ATP9B: variants seen among roughly 807,000 people sequenced by gnomAD.
ATP9B encodes the protein ATPase phospholipid transporting 9B.
A neutral mutation model predicts 146.1 loss-of-function variants in ATP9B; 110 were observed. That is an observed-to-expected ratio of 0.75 (90% CI 0.65 to 0.88). The LOEUF (loss-of-function observed/expected upper bound fraction) is 0.88. Ranked by LOEUF, ATP9B falls within the 40% of genes least tolerant of loss-of-function variation. ATP9B has a pLI of 0.00. For missense variants in ATP9B, 1,499 were observed against 1,496.4 expected (o/e 1.00, Z -0.03); for synonymous variants, 604 against 569.7 (o/e 1.06, Z -0.86).
intron 17 of ATP9B, among the ~76,000 whole-genome samples, chr18:79,334,638 GC>G: frequency 6.6e-6 from 1 of 152,152 alleles, no homozygotes; most frequent in East Asian, 2.0e-4. Context: ...CGGGAGCCCA[GC>G]ACCCTCCACC....
chr18:79,361,587 A>G (rs2096989152), intron 26 of ATP9B: 1 of 164,916 alleles, frequency 6.1e-6, no homozygotes. Flanking sequence ...TCAACATCTT[A>G]TCTGCATTGT....
intron 13 of ATP9B, among the ~76,000 whole-genome samples, chr18:79,288,782 C>G (rs573760613): frequency 6.6e-6 from 1 of 152,276 alleles, no homozygotes; most frequent in East Asian, 1.9e-4. Flanking sequence ...TTAGTGCATC[C>G]TTCAGGAGCT....
chr18:79,097,739 G>T (rs1339524273), intron 2 of ATP9B, among the ~76,000 whole-genome samples: 1 of 145,080 alleles, frequency 6.9e-6, no homozygotes, highest in Admixed American at 6.8e-5. Flanking sequence ...GTATTCCATG[G>T]TGTATATGTG....
At chr18:79,276,483 A>C (rs921526077) in intron 12 of ATP9B, among the ~76,000 whole-genome samples, 4 of 152,256 alleles carry the variant, frequency 2.6e-5, no homozygotes, top group Non-Finnish European at 4.4e-5. Flanking sequence ...GAAACACGGG[A>C]AATATCCCAT....
chr18:79,330,157 T>G (rs1312553000), intron 17 of ATP9B, 53 bp downstream of exon 17: 2 of 1,495,584 alleles, frequency 1.3e-6, no homozygotes, highest in Admixed American at 1.7e-5. Flanking sequence ...AGAGGAGGTA[T>G]GTGAGTGACT....
intron 1 of ATP9B, among the ~76,000 whole-genome samples, chr18:79,091,342 GA>G (rs1329875090): frequency 6.6e-6 from 1 of 152,144 alleles, no homozygotes; most frequent in African/African-American, 2.4e-5. Flanking sequence ...TTTCGATAGG[GA>G]TTGCATTGAA....
chr18:79,203,517 A>C (rs1349552071), intron 9 of ATP9B, among the ~76,000 whole-genome samples: 1 of 152,184 alleles, frequency 6.6e-6, no homozygotes, highest in East Asian at 1.9e-4. Flanking sequence ...ATTCCTGTGG[A>C]TATTAGAAAA....
At chr18:79,282,435 C>T (rs1452867590) in intron 13 of ATP9B, among the ~76,000 whole-genome samples, 1 of 152,154 alleles carries the variant, frequency 6.6e-6, no homozygotes, top group Non-Finnish European at 1.5e-5. Flanking sequence ...ACAGCCAGTC[C>T]AAACTTCAGC....
At chr18:79,290,522 C>A (rs2096492419) in intron 13 of ATP9B, among the ~76,000 whole-genome samples, 1 of 152,218 alleles carries the variant, frequency 6.6e-6, no homozygotes, top group Non-Finnish European at 1.5e-5. Flanking sequence ...GTCTGTCACC[C>A]CTTTCTTTGA....
intron 7 of ATP9B, among the ~76,000 whole-genome samples, chr18:79,176,203 G>A (rs2095167010): frequency 6.6e-6 from 1 of 152,182 alleles, no homozygotes; most frequent in Non-Finnish European, 1.5e-5. Context: ...AGCCTTGTGT[G>A]TATGTCATTT....
chr18:79,093,196 T>C, intron 1 of ATP9B, among the ~76,000 whole-genome samples: 1 of 152,348 alleles, frequency 6.6e-6, no homozygotes. Flanking sequence ...TAACTGTTTA[T>C]TTTTCCATTT....
chr18:79,180,902 C>T (rs940936133), intron 8 of ATP9B, among the ~76,000 whole-genome samples: 5 of 152,016 alleles, frequency 3.3e-5, no homozygotes, highest in African/African-American at 9.7e-5. Flanking sequence ...AAGCAATTCT[C>T]CTGTCTCAGC....
chr18:79,142,259 ACT>A (rs1464816161), intron 5 of ATP9B, among the ~76,000 whole-genome samples: 1 of 152,170 alleles, frequency 6.6e-6, no homozygotes, highest in Non-Finnish European at 1.5e-5. Context: ...AAATATGTTA[ACT>A]CTCTTACCGT....
chr18:79,354,703 G>C (rs974358043), intron 25 of ATP9B: 2 of 152,158 alleles, frequency 1.3e-5, no homozygotes, highest in Non-Finnish European at 2.9e-5. Flanking sequence ...AGAAGGCTCT[G>C]AGTGGAGAGC....
At chr18:79,095,713 A>G (rs985559951) in intron 1 of ATP9B, 2 of 152,226 alleles carry the variant, frequency 1.3e-5, no homozygotes, top group Non-Finnish European at 2.9e-5. Context: ...TCAGTAAGAC[A>G]GCACTTGTTG....
At chr18:79,138,286 T>C (rs1158358165) in intron 5 of ATP9B, among the ~76,000 whole-genome samples, 1 of 152,202 alleles carries the variant, frequency 6.6e-6, no homozygotes, top group African/African-American at 2.4e-5. Flanking sequence ...TATGTGGATG[T>C]TGTGGCCTGC....
chr18:79,263,954 G>C (rs538070408), intron 12 of ATP9B, among the ~76,000 whole-genome samples: 4 of 152,094 alleles, frequency 2.6e-5, no homozygotes, highest in Non-Finnish European at 4.4e-5. Flanking sequence ...GCGTGGTAGC[G>C]GGTGCCTGTA....
chr18:79,271,885 T>G (rs2096259075), intron 12 of ATP9B, among the ~76,000 whole-genome samples: 1 of 152,120 alleles, frequency 6.6e-6, no homozygotes, highest in Admixed American at 6.5e-5. Context: ...TTTCTCCACA[T>G]CCTCTCCAGC....
chr18:79,238,139 A>T (rs1002384950), intron 11 of ATP9B, among the ~76,000 whole-genome samples: 1 of 152,230 alleles, frequency 6.6e-6, no homozygotes, highest in Non-Finnish European at 1.5e-5. Context: ...ATTGCCTACA[A>T]TAAAAATGTT....
Sources: gnomAD v4.1 joint callset for allele counts (sites outside exome capture counted in the v4.1 genomes callset) on GRCh38, gnomAD v4.1.1 for gene constraint, MANE v1.5 for transcripts, NCBI Gene and HGNC (gene_info 2026-07-23, HGNC 2026-07-21) for gene names.